The following HPSE2 variants were observed in gnomAD, a reference collection of about 807,000 sequenced individuals.
HPSE2 encodes inactive heparanase-2.
Under a neutral mutation model 60.5 loss-of-function variants are expected in HPSE2, and 38 were observed. The ratio of observed to expected loss-of-function variants is 0.63; its 90% CI spans 0.48 to 0.82. The LOEUF is 0.82. Ranked by LOEUF, HPSE2 falls within the 40% of genes least tolerant of loss-of-function variation. The pLI, the probability that HPSE2 is intolerant of heterozygous loss-of-function variation, is 0.00. For missense variants in HPSE2, 713 were observed against 740.4 expected (o/e 0.96, Z 0.43); for synonymous variants, 295 against 293.2 (o/e 1.01, Z -0.06).
Position 98,939,482 on chromosome 10 carries a change from A to G in HPSE2, c.611-195426T>C, listed in dbSNP as rs2135144420. Among the ~76,000 whole-genome samples, 2 of 143,420 alleles carry G rather than the reference A, an allele frequency of 1.4e-5. 1 individual carries two copies. Among genetic ancestry groups the G allele is most frequent in the East Asian group, 4.0e-4 (2 of 5,060 alleles). 94.1% of individuals were successfully genotyped at this position (143,420 alleles called of 152,430 possible). On this transcript the variant is annotated intron_variant, in intron 3 of 11. Coordinates refer to ENST00000370552, the MANE Select transcript of HPSE2 (RefSeq NM_021828.5). ...AAACCAAAAAGATCAAAAGAGACAAAGAAGGCCATTACATAATGGTAAAGG... is the reference window on the plus strand; with the variant it reads ...AAACCAAAAAGATCAAAAGAGACAAGGAAGGCCATTACATAATGGTAAAGG...
At chr10:98,623,534 C>CGT (rs1019210078) in intron 7 of HPSE2, among the ~76,000 whole-genome samples, 3 of 151,980 alleles carry the variant, frequency 2.0e-5, no homozygotes, top group African/African-American at 7.3e-5. Flanking sequence ...TAAAAGAACA[C>CGT]ATTAACAAAA....
chr10:98,537,298 T>C (rs1396810435), intron 9 of HPSE2, among the ~76,000 whole-genome samples: 1 of 152,192 alleles, frequency 6.6e-6, no homozygotes, highest in African/African-American at 2.4e-5. Context: ...AGCAGAAAGC[T>C]GAAGGCCAGA....
chr10:98,547,274 A>G (rs1462133776), intron 9 of HPSE2, among the ~76,000 whole-genome samples: 2 of 130,896 alleles, frequency 1.5e-5, no homozygotes, highest in East Asian at 2.6e-4. Flanking sequence ...AGAACTAGAA[A>G]TACCATTTGA....
intron 3 of HPSE2, among the ~76,000 whole-genome samples, chr10:98,925,015 G>C (rs544961647): frequency 5.9e-5 from 9 of 152,292 alleles, no homozygotes; most frequent in African/African-American, 2.2e-4. Flanking sequence ...TGAGTTCAAT[G>C]TAAAGTCGCC....
At chr10:98,880,339 T>C (rs1180704963) in intron 3 of HPSE2, among the ~76,000 whole-genome samples, 1 of 152,018 alleles carries the variant, frequency 6.6e-6, no homozygotes, top group Non-Finnish European at 1.5e-5. Context: ...CTGCAACTCT[T>C]TTTTGCCCCC....
intron 2 of HPSE2, among the ~76,000 whole-genome samples, chr10:99,151,928 C>A (rs909199784): frequency 1.3e-5 from 2 of 151,670 alleles, no homozygotes; most frequent in Admixed American, 6.6e-5. Context: ...AAATAAATAG[C>A]GCTAAAAGAA....
At chr10:98,768,646 A>G (rs1950176846) in intron 3 of HPSE2, among the ~76,000 whole-genome samples, 1 of 152,188 alleles carries the variant, frequency 6.6e-6, no homozygotes, top group Admixed American at 6.6e-5. Flanking sequence ...GTCCACATAT[A>G]TAAATATGAT....
At chr10:99,089,352 A>G (rs1843434923) in intron 3 of HPSE2, among the ~76,000 whole-genome samples, 1 of 152,166 alleles carries the variant, frequency 6.6e-6, no homozygotes, top group African/African-American at 2.4e-5. Context: ...TTTTTGTATA[A>G]GGTGAGAGAT....
At chr10:98,711,592 G>A (rs1948677730) in intron 5 of HPSE2, among the ~76,000 whole-genome samples, 1 of 152,020 alleles carries the variant, frequency 6.6e-6, no homozygotes, top group Admixed American at 6.6e-5. Flanking sequence ...CATGTCATAT[G>A]GAAAGAACAG....
chr10:99,040,919 T>C (rs1439755056), intron 3 of HPSE2, among the ~76,000 whole-genome samples: 1 of 151,936 alleles, frequency 6.6e-6, no homozygotes, highest in African/African-American at 2.4e-5. Flanking sequence ...ACCCTGTCTC[T>C]ACGAAAAATA....
At position 98,490,121 on chromosome 10, in the gene HPSE2, G is replaced by A. The variant is rs1035418872; in HGVS notation, c.1396C>T (p.Arg466Trp). 10 of 1,614,188 alleles carry A rather than the reference G, an allele frequency of 6.2e-6. No individual in the cohort carries two copies. In the South Asian group the frequency reaches 6.6e-5, roughly 11 times the overall value. Residue 466 changes from arginine to tryptophan, a missense_variant, in exon 10 of 12, where the codon CGG becomes TGG. Physicochemically the swap from Arg to Trp is moderately radical, Grantham distance 101. Transcript: ENST00000370552. ...VLAVHVAGLQ[R>W]KPRPGRVIRD... ...ATCACTCGGCCAGGCCGTGGCTTCC[G>A]CTGGAGCCCAGCCACATGCACAGCC...
intron 2 of HPSE2, among the ~76,000 whole-genome samples, chr10:99,147,665 G>T (rs1846104674): frequency 6.6e-6 from 1 of 152,078 alleles, no homozygotes; most frequent in African/African-American, 2.4e-5. Flanking sequence ...TAGAAAAGCA[G>T]ATTTCAAAAA....
At chr10:98,949,535 C>T (rs1255860876) in intron 3 of HPSE2, among the ~76,000 whole-genome samples, 2 of 152,170 alleles carry the variant, frequency 1.3e-5, no homozygotes, top group East Asian at 3.9e-4. Context: ...GCAGAGTTTA[C>T]AGATGGAATC....
At chr10:99,140,877 A>G (rs1845842406) in intron 3 of HPSE2, among the ~76,000 whole-genome samples, 4 of 152,136 alleles carry the variant, frequency 2.6e-5, no homozygotes, top group Admixed American at 2.6e-4. Flanking sequence ...TCTCTACTAA[A>G]AATACAAAAA....
chr10:98,594,600 C>A (rs900229525), intron 9 of HPSE2, among the ~76,000 whole-genome samples: 3 of 152,106 alleles, frequency 2.0e-5, no homozygotes, highest in Non-Finnish European at 2.9e-5. Context: ...ATGTCCTCCT[C>A]CAAGTTTATC....
rs1412217927 is a variant in HPSE2 at position 99,076,899 on chromosome 10, G to A, written c.610+67339C>T. On this transcript the variant is annotated intron_variant, in intron 3 of 11. Coordinates refer to ENST00000370552, the MANE Select transcript of HPSE2 (RefSeq NM_021828.5). Reference sequence around the variant, plus strand: ...AATAAGTCTTTTAAGGCAGGTCTGGGTCGCAAAGAACTCTCTCAGCTTTTG... The same window carrying A: ...AATAAGTCTTTTAAGGCAGGTCTGGATCGCAAAGAACTCTCTCAGCTTTTG... Among the ~76,000 whole-genome samples the A allele has an allele frequency of 2.6e-5, 4 of 152,134 alleles. No homozygotes were observed. In the East Asian group the frequency reaches 7.7e-4, roughly 29 times the overall value.
At chr10:99,149,331 C>T (rs542285016) in intron 2 of HPSE2, among the ~76,000 whole-genome samples, 1 of 152,254 alleles carries the variant, frequency 6.6e-6, no homozygotes, top group South Asian at 2.1e-4. Context: ...AATTTCAATA[C>T]AGATATTAAA....
chr10:99,048,113 T>C, intron 3 of HPSE2: 1 of 948,730 alleles, frequency 1.1e-6, no homozygotes, highest in Non-Finnish European at 1.6e-6. Context: ...CAAGCGTGCT[T>C]ATGGCAAAAT....
intron 3 of HPSE2, among the ~76,000 whole-genome samples, chr10:99,108,984 C>T (rs993377803): frequency 7.9e-5 from 12 of 152,130 alleles, no homozygotes; most frequent in Admixed American, 2.6e-4. Flanking sequence ...CACTTATCCT[C>T]CATGTGTTGT....
Sources: allele counts gnomAD v4.1 joint callset (sites outside exome capture counted in the v4.1 genomes callset), GRCh38; gene constraint gnomAD v4.1.1; transcripts MANE v1.5; gene names NCBI Gene and HGNC (gene_info 2026-07-23, HGNC 2026-07-21).